Variants in SNAP91 observed in about 807,000 individuals in gnomAD.
SNAP91 encodes clathrin coat assembly protein AP180.
Under a neutral mutation model 100.3 loss-of-function variants are expected in SNAP91, and 27 were observed. The observed-to-expected ratio is 0.27, with a 90% confidence interval of 0.20 to 0.37. The LOEUF (loss-of-function observed/expected upper bound fraction) is 0.37. SNAP91 is among the 10% of genes least tolerant of loss of function. SNAP91 has a pLI of 1.00. For missense variants in SNAP91, 986 were observed against 1,123.7 expected (o/e 0.88, Z 1.75); for synonymous variants, 404 against 398.6 (o/e 1.01, Z -0.16).
intron 2 of SNAP91, among the ~76,000 whole-genome samples, chr6:83,672,003 C>G (rs974524146): frequency 6.6e-6 from 1 of 152,040 alleles, no homozygotes; most frequent in African/African-American, 2.4e-5. Flanking sequence ...TCAAAACCCC[C>G]TGGGGCCTAC....
chr6:83,553,509 A>G lies in SNAP91; in HGVS notation c.*787T>C, dbSNP rs1396826374. ...ATTTTCATGAACATGACACAAACAG[A>G]CCCTTTACTTTTCAGTGCATTTAAT... On this transcript the variant is annotated 3_prime_UTR_variant, in exon 30 of 30. Coordinates refer to ENST00000369694, the MANE Select transcript of SNAP91 (RefSeq NM_001242792.2). The G allele has an allele frequency of 6.6e-6, 1 of 152,094 alleles. No homozygotes were observed. The highest frequency in any genetic ancestry group is 1.9e-4 in the East Asian group (1 of 5,190). The allele number at this position is 152,094 out of a possible 1,614,324, so 9.4% of individuals were successfully genotyped here.
intron 2 of SNAP91, among the ~76,000 whole-genome samples, chr6:83,681,320 T>C (rs529482234): frequency 6.6e-6 from 1 of 152,290 alleles, no homozygotes; most frequent in South Asian, 2.1e-4. Flanking sequence ...ACTTTGATTT[T>C]CACCAGGAGC....
At chr6:83,664,167 T>C (rs776692879) in intron 3 of SNAP91, among the ~76,000 whole-genome samples, 6 of 152,150 alleles carry the variant, frequency 3.9e-5, no homozygotes, top group Non-Finnish European at 8.8e-5. Context: ...AGAGCTCTGA[T>C]GGAGATGCAC....
At position 83,601,257 on chromosome 6, in the gene SNAP91, C is replaced by T. The variant is rs749271904; in HGVS notation, c.1324+14G>A. ...AATCCTGAAAAAATGAAAGTAGCAG[C>T]GAGACTAACTAACCTCCAAAGAGAT... is the stretch of plus-strand genomic sequence containing the variant. On this transcript the variant is annotated intron_variant, in intron 16 of 29. Coordinates refer to ENST00000369694, the MANE Select transcript of SNAP91 (RefSeq NM_001242792.2). 37 of 1,611,796 alleles carry T rather than the reference C, an allele frequency of 2.3e-5. No homozygotes were observed. Among genetic ancestry groups the T allele is most frequent in the Non-Finnish European group, 2.7e-5 (32 of 1,178,680 alleles).
At chr6:83,603,314 T>C (rs912131399) in intron 14 of SNAP91, among the ~76,000 whole-genome samples, 5 of 152,190 alleles carry the variant, frequency 3.3e-5, no homozygotes, top group East Asian at 1.9e-4. Flanking sequence ...AGCTTACCTA[T>C]TGGGACAACT....
chr6:83,589,754 T>C (rs2093446230), intron 22 of SNAP91, among the ~76,000 whole-genome samples: 1 of 152,176 alleles, frequency 6.6e-6, no homozygotes, highest in Non-Finnish European at 1.5e-5. Flanking sequence ...GGGCTACGAC[T>C]ACCTGCTTTA....
At chr6:83,676,923 G>A (rs1235984194) in intron 2 of SNAP91, among the ~76,000 whole-genome samples, 2 of 152,204 alleles carry the variant, frequency 1.3e-5, no homozygotes, top group Admixed American at 1.3e-4. Flanking sequence ...CAAAGGCAGA[G>A]CCAAGAGGAA....
chr6:83,620,872 C>T (rs780661957), intron 9 of SNAP91, among the ~76,000 whole-genome samples: 28 of 151,930 alleles, frequency 1.8e-4, no homozygotes, highest in Non-Finnish European at 3.8e-4. Flanking sequence ...CCACCGCGCC[C>T]GGCTAATTTT....
intron 2 of SNAP91, among the ~76,000 whole-genome samples, chr6:83,669,821 A>G (rs1043731852): frequency 1.2e-4 from 19 of 152,020 alleles, no homozygotes; most frequent in African/African-American, 4.3e-4. Context: ...GAATGTATCA[A>G]TAATTCATTC....
At chr6:83,602,167 A>G (rs982988001) in intron 14 of SNAP91, among the ~76,000 whole-genome samples, 4 of 152,182 alleles carry the variant, frequency 2.6e-5, no homozygotes, top group Non-Finnish European at 1.5e-5. Context: ...GATTTAAAAA[A>G]TCCTCTGTAT....
intron 8 of SNAP91, among the ~76,000 whole-genome samples, chr6:83,635,931 C>T (rs1260138484): frequency 3.9e-5 from 6 of 152,108 alleles, no homozygotes; most frequent in Admixed American, 1.3e-4. Context: ...ACTTATGAAG[C>T]TTAGTTTGGT....
At chr6:83,693,935 T>C (rs565819058) in intron 2 of SNAP91, among the ~76,000 whole-genome samples, 1 of 152,184 alleles carries the variant, frequency 6.6e-6, no homozygotes, top group Non-Finnish European at 1.5e-5. Context: ...TCAACACTGA[T>C]TGACAGTGAC....
intron 2 of SNAP91, among the ~76,000 whole-genome samples, chr6:83,675,478 A>G (rs1160827027): frequency 6.6e-6 from 1 of 152,086 alleles, no homozygotes; most frequent in Non-Finnish European, 1.5e-5. Flanking sequence ...AACTTCTTTC[A>G]TTTTGAAAAA....
intron 2 of SNAP91, among the ~76,000 whole-genome samples, chr6:83,701,946 G>A (rs556483245): frequency 6.6e-6 from 1 of 152,228 alleles, no homozygotes; most frequent in East Asian, 1.9e-4. Context: ...AGGAAGAGTC[G>A]TAATTTCTTA....
At chr6:83,581,985 T>C (rs1490424946) in intron 23 of SNAP91, among the ~76,000 whole-genome samples, 3 of 152,208 alleles carry the variant, frequency 2.0e-5, no homozygotes, top group Non-Finnish European at 2.9e-5. Context: ...TTAAGTTAGA[T>C]TTCTGCTAAA....
chr6:83,694,122 C>A (rs916014771), intron 2 of SNAP91, among the ~76,000 whole-genome samples: 3 of 152,150 alleles, frequency 2.0e-5, no homozygotes, highest in African/African-American at 7.2e-5. Context: ...TTTCCTTTTC[C>A]ATGGGCATGA....
chr6:83,586,580 G>A (rs2092686713), intron 22 of SNAP91, among the ~76,000 whole-genome samples: 1 of 152,148 alleles, frequency 6.6e-6, no homozygotes, highest in Admixed American at 6.5e-5. Flanking sequence ...CCAGTAGTCT[G>A]CCTCTAGCTT....
At chr6:83,668,939 C>T (rs2098735451) in intron 2 of SNAP91, among the ~76,000 whole-genome samples, 1 of 151,934 alleles carries the variant, frequency 6.6e-6, no homozygotes, top group Non-Finnish European at 1.5e-5. Flanking sequence ...CTTAACACAC[C>T]AATCCTACTG....
chr6:83,682,264 A>G (rs2099000672), intron 2 of SNAP91, among the ~76,000 whole-genome samples: 1 of 149,620 alleles, frequency 6.7e-6, no homozygotes, highest in African/African-American at 2.5e-5. Context: ...TGAAGCCTCA[A>G]CCTCTTGGGC....
Sources: allele counts gnomAD v4.1 joint callset (sites outside exome capture counted in the v4.1 genomes callset), GRCh38; gene constraint gnomAD v4.1.1; transcripts MANE v1.5; gene names NCBI Gene and HGNC (gene_info 2026-07-23, HGNC 2026-07-21).